RNF157: variants seen among roughly 807,000 people sequenced by gnomAD.
RNF157 encodes E3 ubiquitin ligase RNF157.
In RNF157, 55 loss-of-function variants were observed where a neutral mutation model predicts 88.3. The ratio of observed to expected loss-of-function variants is 0.62; its 90% confidence interval spans 0.50 to 0.78. The LOEUF is 0.78. Among genes scored for constraint, RNF157 ranks in the 30% least tolerant of loss-of-function variants. RNF157 has a pLI of 0.00. For synonymous variants in RNF157, 334 were observed against 341.2 expected (o/e 0.98, Z 0.23); for missense variants, 788 against 860.8 (o/e 0.92, Z 1.06).
intron 3 of RNF157, among the ~76,000 whole-genome samples, chr17:76,169,870 C>A (rs549953885): frequency 1.3e-5 from 2 of 152,220 alleles, no homozygotes; most frequent in African/African-American, 4.8e-5. Flanking sequence ...CGTGAGCCAC[C>A]GCACCTGGCC....
At chr17:76,239,540 C>G (rs897748038) in intron 1 of RNF157, among the ~76,000 whole-genome samples, 13 of 138,090 alleles carry the variant, frequency 9.4e-5, no homozygotes, top group African/African-American at 3.5e-4. Context: ...ACCACCACCA[C>G]CCCCCCCACC....
rs1235287379 is a variant in RNF157 at position 76,146,366 on chromosome 17, T to C, written c.1922-1013A>G. The stretch of plus-strand genomic sequence containing the variant: ...AGTATCTGACTCCTAGAATAGCCTG[T>C]GCTCAGGCTCCTCCAGGCCATCTCG... On this transcript the variant is annotated intron_variant, in intron 18 of 18. Coordinates refer to ENST00000269391, the MANE Select transcript of RNF157 (RefSeq NM_052916.3). The surrounding 1 kb of genome is among the most constrained non-coding windows in gnomAD (Gnocchi z 4.2). 1.0e-6 allele frequency: 1 copy of C among 985,354 alleles called. No homozygotes were observed. The highest frequency in any genetic ancestry group is 1.2e-6 in the Non-Finnish European group (1 of 829,960). 61.0% of individuals were successfully genotyped at this position (985,354 alleles called of 1,614,324 possible). A position where few individuals can be genotyped will look rare whatever the true frequency, so the allele number is the denominator to read the frequency against.
chr17:76,223,088 C>T (rs1373917127), intron 1 of RNF157, among the ~76,000 whole-genome samples: 1 of 151,840 alleles, frequency 6.6e-6, no homozygotes, highest in East Asian at 1.9e-4. Context: ...GACGGGGTTT[C>T]ACCGTGTTAG....
At chr17:76,145,499 CGT>C in intron 18 of RNF157, 146 bp from the exon 19 acceptor site, 2 of 604,408 alleles carry the variant, frequency 3.3e-6, no homozygotes, top group Non-Finnish European at 5.9e-6. Flanking sequence ...CCACAGCACT[CGT>C]GTGTGAGAAC....
intron 9 of RNF157, 26 bp downstream of exon 9, chr17:76,162,525 AC>A: frequency 6.4e-7 from 1 of 1,559,968 alleles, no homozygotes; most frequent in Non-Finnish European, 8.8e-7. Flanking sequence ...TGGAAAGAGT[AC>A]ATTCAGAATT....
intron 9 of RNF157, 59 bp downstream of exon 9, chr17:76,162,493 T>C: frequency 7.6e-7 from 1 of 1,320,336 alleles, no homozygotes; most frequent in Non-Finnish European, 1.1e-6. Flanking sequence ...GACGCTGGCT[T>C]ACGATTTCTC....
intron 2 of RNF157, among the ~76,000 whole-genome samples, chr17:76,194,436 G>C (rs918253839): frequency 1.3e-5 from 2 of 152,198 alleles, no homozygotes; most frequent in Non-Finnish European, 2.9e-5. Flanking sequence ...GGTGGGAAGG[G>C]CGGTAAATTC....
chr17:76,232,548 G>A (rs573067890), intron 1 of RNF157, among the ~76,000 whole-genome samples: 5 of 152,274 alleles, frequency 3.3e-5, no homozygotes, highest in Admixed American at 6.5e-5. Flanking sequence ...GAGCAATGCC[G>A]CTATGAACAT....
intron 2 of RNF157, among the ~76,000 whole-genome samples, chr17:76,188,831 C>T (rs1429227185): frequency 6.6e-6 from 1 of 152,166 alleles, no homozygotes. Flanking sequence ...TAAACCTGTA[C>T]CACCCGGACC....
chr17:76,196,308 T>C (rs1444027077), intron 2 of RNF157, among the ~76,000 whole-genome samples: 1 of 152,180 alleles, frequency 6.6e-6, no homozygotes, highest in Non-Finnish European at 1.5e-5. Flanking sequence ...TCCACTTATA[T>C]AAAGTTCAAA....
chr17:76,199,165 T>C (rs1389484054), intron 2 of RNF157, among the ~76,000 whole-genome samples: 2 of 152,226 alleles, frequency 1.3e-5, no homozygotes, highest in African/African-American at 2.4e-5. Flanking sequence ...GTTGGCAACA[T>C]GTTATGATCA....
intron 1 of RNF157, among the ~76,000 whole-genome samples, chr17:76,236,136 C>T (rs901258723): frequency 6.6e-5 from 10 of 152,188 alleles, no homozygotes; most frequent in African/African-American, 2.2e-4. Flanking sequence ...CGGGTTTAAC[C>T]AAGCTAGCTG....
chr17:76,162,586 C>T lies in RNF157; in HGVS notation c.758G>A (p.Gly253Glu). The change falls in exon 9 of 19, where the codon GGA (glycine) becomes GAA (glutamate). Residue 253 changes from glycine to glutamate, a missense_variant. By Grantham distance (98) the Gly-to-Glu change is moderately conservative (BLOSUM62 -2). Coordinates refer to ENST00000269391, the MANE Select transcript of RNF157 (RefSeq NM_052916.3). Reference protein sequence around the residue: ...GVSYLLQEIYGIENKYNTQDS... With the variant: ...GVSYLLQEIYEIENKYNTQDS... ...TTGTGTGTTGTACTTGTTTTCAATTCCATAGATCTCCTGAAGGAGGTAGCT... is the reference window on the plus strand; with the variant it reads ...TTGTGTGTTGTACTTGTTTTCAATTTCATAGATCTCCTGAAGGAGGTAGCT... The T allele has an allele frequency of 6.2e-7, 1 of 1,613,218 alleles. No homozygotes were observed. Among genetic ancestry groups the T allele is most frequent in the Non-Finnish European group, 8.5e-7 (1 of 1,179,738 alleles).
chr17:76,155,223 G>T (rs1334541004), intron 16 of RNF157, 29 bp downstream of exon 16: 1 of 1,603,616 alleles, frequency 6.2e-7, no homozygotes, highest in Non-Finnish European at 8.5e-7. Context: ...TTGTGGGAAG[G>T]GGGCACCACT....
At chr17:76,172,653 T>A (rs1172009216) in intron 3 of RNF157, among the ~76,000 whole-genome samples, 1 of 125,644 alleles carries the variant, frequency 8.0e-6, no homozygotes, top group African/African-American at 3.0e-5. Context: ...CTGTCTCAAA[T>A]ATATATATAT....
chr17:76,176,613 C>T lies in RNF157; in HGVS notation c.208-2823G>A, dbSNP rs1476391342. On this transcript the variant is annotated intron_variant, in intron 2 of 18. Transcript: ENST00000269391. This position sits in a 1 kb window ranked among gnomAD's most constrained non-coding sequence, Gnocchi z 4.2. ...ATCACAACGGCTGCTGCAGGGGGGT[C>T]GCAGGGAGCAGACAGACAGCCCCTC... 6.6e-6 allele frequency among the ~76,000 whole-genome samples: 1 copy of T among 152,158 alleles called. No homozygotes were observed. The highest frequency in any genetic ancestry group is 1.5e-5 in the Non-Finnish European group (1 of 68,018).
Position 76,240,016 on chromosome 17 carries a change from G to A in RNF157, c.88+137C>T, listed in dbSNP as rs1214271923. ...ACCTCGGCCTTCTCGAAGACCTCCC[G>A]CGCTCGAAGACCGTTTCGGAGCGTC... On this transcript the variant is annotated intron_variant, in intron 1 of 18. Transcript: ENST00000269391. This position sits in a 1 kb window ranked among gnomAD's most constrained non-coding sequence, Gnocchi z 4.4. The A allele has an allele frequency of 5.7e-6, 2 of 352,884 alleles. No individual in the cohort carries two copies. The highest frequency in any genetic ancestry group is 9.5e-6 in the Non-Finnish European group (2 of 210,872). The allele number at this position is 352,884 out of a possible 1,614,324, so 21.9% of individuals were successfully genotyped here. A position where few individuals can be genotyped will look rare whatever the true frequency, so the allele number is the denominator to read the frequency against.
intron 14 of RNF157, among the ~76,000 whole-genome samples, chr17:76,155,975 G>C (rs1328412646): frequency 6.6e-6 from 1 of 152,190 alleles, no homozygotes; most frequent in African/African-American, 2.4e-5. Flanking sequence ...AATGCTAAAG[G>C]AAACCTCATT....
intron 18 of RNF157, among the ~76,000 whole-genome samples, chr17:76,145,911 T>C (rs2068578518): frequency 6.6e-6 from 1 of 152,076 alleles, no homozygotes; most frequent in Non-Finnish European, 1.5e-5. Context: ...TCACCTGCCG[T>C]TTTCCTCTCC....
Sources: gnomAD v4.1 joint callset for allele counts (sites outside exome capture counted in the v4.1 genomes callset) on GRCh38, gnomAD v4.1.1 for gene constraint, Gnocchi (gnomAD v3.1) non-coding constraint, MANE v1.5 for transcripts, NCBI Gene and HGNC (gene_info 2026-07-23, HGNC 2026-07-21) for gene names.